Variants in BSN observed in about 807,000 individuals in gnomAD.
BSN encodes the protein bassoon presynaptic cytomatrix protein, also known as protein bassoon.
Under a neutral mutation model 264.8 loss-of-function variants are expected in BSN, and 57 were observed. The ratio of observed to expected loss-of-function variants is 0.22; its 90% CI spans 0.17 to 0.27. The LOEUF (loss-of-function observed/expected upper bound fraction) is 0.27, where lower values mean the gene tolerates loss of function less well. Ranked by LOEUF, BSN falls within the 10% of genes least tolerant of loss-of-function variation. BSN has a pLI of 1.00. For missense variants in BSN, 4,615 were observed against 5,232.5 expected (o/e 0.88, Z 3.64); for synonymous variants, 2,059 against 2,137.3 (o/e 0.96, Z 1.01).
chr3:49,642,709 A>T lies in BSN; in HGVS notation c.1075A>T (p.Thr359Ser). ...KLFGLGASLL[T>S]QASTLMSVQP... The stretch of plus-strand genomic sequence containing the variant: ...CTTCGGCCTTGGCGCGTCACTGCTA[A>T]CCCAGGCGAGCACCCTCATGTCTGT... Residue 359 changes from threonine (T) to serine (S), a missense_variant, in exon 3 of 12, where the codon ACC becomes TCC. Physicochemically the swap from Thr to Ser is moderately conservative, Grantham distance 58 (BLOSUM62 1). Transcript: ENST00000296452. This position sits in a 1 kb window ranked among gnomAD's most constrained non-coding sequence, Gnocchi z 7.0. The T allele has an allele frequency of 6.2e-7, 1 of 1,613,400 alleles. No homozygotes were observed. Among genetic ancestry groups the T allele is most frequent in the Non-Finnish European group, 8.5e-7 (1 of 1,179,916 alleles).
chr3:49,616,973 C>T (rs1271701946), intron 1 of BSN, among the ~76,000 whole-genome samples: 3 of 152,192 alleles, frequency 2.0e-5, no homozygotes, highest in African/African-American at 7.2e-5. Flanking sequence ...CAGCAGCCCT[C>T]CTGTGGCCAG....
At position 49,652,856 on chromosome 3, in the gene BSN, C is replaced by G; in HGVS notation, c.3300C>G (p.Ile1100Met). Reference sequence around the variant, plus strand: ...CACCACCCAGTAACTTGTCACCCATCGAGGATGCCTCCCCGACGGAGGAGC... The same window carrying G: ...CACCACCCAGTAACTTGTCACCCATGGAGGATGCCTCCCCGACGGAGGAGC... ...SKTPPSNLSPIEDASPTEELR... is the reference protein window; with the variant it reads ...SKTPPSNLSPMEDASPTEELR... Residue 1100 changes from isoleucine (I) to methionine (M), a missense_variant, in exon 5 of 12, where the codon ATC becomes ATG. Ile to Met is a conservative substitution (Grantham distance 10). This residue lies in a region of BSN where 3,415 missense variants were observed against 3,866.4 expected (regional missense o/e 0.88). Transcript: ENST00000296452. The G allele has an allele frequency of 6.2e-7, 1 of 1,604,878 alleles. No homozygotes were observed. Among genetic ancestry groups the G allele is most frequent in the Non-Finnish European group, 8.5e-7 (1 of 1,174,612 alleles).
intron 1 of BSN, among the ~76,000 whole-genome samples, chr3:49,560,244 G>A (rs1484298243): frequency 6.6e-6 from 1 of 152,120 alleles, no homozygotes; most frequent in Admixed American, 6.5e-5. Flanking sequence ...GGGTGTGGAA[G>A]GCCAGACCTA....
In BSN at chr3:49,656,054, G is replaced by T; in HGVS notation, c.6498G>T (p.Gln2166His). ...ACCCAAGTCCTGGGAACTTGGCCCA[G>T]TATGGGCCTGCAGCAGGCCAAGGAA... is the stretch of plus-strand genomic sequence containing the variant. ...EGHPSPGNLA[Q>H]YGPAAGQGTA... Residue 2166 changes from glutamine (Q) to histidine (H), a missense_variant, in exon 5 of 12, where the codon CAG becomes CAT. Gln to His is a conservative substitution (Grantham distance 24). This residue lies in a region of BSN where 3,415 missense variants were observed against 3,866.4 expected (regional missense o/e 0.88). Coordinates refer to ENST00000296452, the MANE Select transcript of BSN (RefSeq NM_003458.4). The T allele has an allele frequency of 2.5e-6, 4 of 1,607,222 alleles. No homozygotes were observed. The highest frequency in any genetic ancestry group is 3.4e-6 in the Non-Finnish European group (4 of 1,177,014).
In BSN at chr3:49,651,450, C is replaced by A. The variant is rs2108080334; in HGVS notation, c.1987-93C>A. On this transcript the variant is annotated intron_variant, in intron 4 of 11. Transcript: ENST00000296452. This position sits in a 1 kb window ranked among gnomAD's most constrained non-coding sequence, Gnocchi z 5.4. ...TAAACCCTTGGGAAATGGACAGACTCTTCCCCAGGGTCCTGGGATTGACAG... is the reference window on the plus strand; with the variant it reads ...TAAACCCTTGGGAAATGGACAGACTATTCCCCAGGGTCCTGGGATTGACAG... 1 of 1,373,064 alleles carries A rather than the reference C, an allele frequency of 7.3e-7. No individual in the cohort carries two copies. Among genetic ancestry groups the A allele is most frequent in the Non-Finnish European group, 9.9e-7 (1 of 1,010,348 alleles). The allele number at this position is 1,373,064 out of a possible 1,614,324, so 85.1% of individuals were successfully genotyped here. A position where few individuals can be genotyped will look rare whatever the true frequency, so the allele number is the denominator to read the frequency against.
chr3:49,598,783 C>A (rs1214951068), intron 1 of BSN, among the ~76,000 whole-genome samples: 1 of 152,060 alleles, frequency 6.6e-6, no homozygotes, highest in Non-Finnish European at 1.5e-5. Context: ...TATACTCTCA[C>A]TATTGTTATT....
At chr3:49,589,856 TGAGA>T (rs2051964719) in intron 1 of BSN, among the ~76,000 whole-genome samples, 1 of 148,724 alleles carries the variant, frequency 6.7e-6, no homozygotes. Flanking sequence ...TTTTTTTTTT[TGAGA>T]TGGAGTCTCA....
rs772428198 is a variant in BSN at position 49,663,803 on chromosome 3, C to A, written c.11525C>A (p.Thr3842Lys). Residue 3842 changes from threonine (T) to lysine (K), a missense_variant, in exon 8 of 12, where the codon ACA becomes AAA. By Grantham distance (78) the Thr-to-Lys change is moderately conservative (BLOSUM62 -1). Coordinates refer to ENST00000296452, the MANE Select transcript of BSN (RefSeq NM_003458.4). ...QPAGPPRAEQTNGSKGTAKAP... is the reference protein window; with the variant it reads ...QPAGPPRAEQKNGSKGTAKAP... Reference sequence around the variant, plus strand: ...GTGTTGCAGCCACGGGCAGAACAGACAAATGGCTCTAAAGGGACAGCCAAA... The same window carrying A: ...GTGTTGCAGCCACGGGCAGAACAGAAAAATGGCTCTAAAGGGACAGCCAAA... 1.7e-5 allele frequency: 27 copies of A among 1,614,164 alleles called. No homozygotes were observed. In the Admixed American group the frequency reaches 4.2e-4, roughly 25 times the overall value.
At chr3:49,648,127 C>T (rs113878872) in intron 3 of BSN, among the ~76,000 whole-genome samples, 65 of 152,378 alleles carry the variant, frequency 4.3e-4, no homozygotes, top group Non-Finnish European at 5.9e-4. Context: ...CTCAGGCAAG[C>T]TGGCCTCTCC....
rs1231736740 is a variant in BSN at position 49,575,656 on chromosome 3, GTGTATA to G, written c.224+20832_224+20837del. Among the ~76,000 whole-genome samples the G allele has an allele frequency of 2.0e-3, 132 of 64,592 alleles. 1 individual carries two copies. The Middle Eastern group carries it at 0.027, about 13-fold the overall frequency. The allele number at this position is 64,592 out of a possible 152,430, so 42.4% of individuals were successfully genotyped here. ...TATATGTATATATATGTGTGTGTGT[GTGTATA>G]TATATATATATATATACAAGTAAGA... On this transcript the variant is annotated intron_variant, in intron 1 of 11. Coordinates refer to ENST00000296452, the MANE Select transcript of BSN (RefSeq NM_003458.4).
In BSN at chr3:49,569,365, C is replaced by G. The variant is rs551709291; in HGVS notation, c.224+14539C>G. ...TCCAAGAGAGTGAATCAAGTGCATT[C>G]AATTAAACAAATATTTACCTTATCA... On this transcript the variant is annotated intron_variant, in intron 1 of 11. Coordinates refer to ENST00000296452, the MANE Select transcript of BSN (RefSeq NM_003458.4). 7.9e-5 allele frequency among the ~76,000 whole-genome samples: 12 copies of G among 152,198 alleles called. 1 individual carries two copies. The highest frequency in any genetic ancestry group is 6.2e-4 in the South Asian group (3 of 4,812).
intron 1 of BSN, among the ~76,000 whole-genome samples, chr3:49,563,364 C>T (rs968815918): frequency 5.9e-5 from 9 of 152,202 alleles, no homozygotes; most frequent in African/African-American, 1.7e-4. Flanking sequence ...CAGCTGTGCT[C>T]GGCTGCTTAT....
chr3:49,649,438 C>G (rs2052522627), intron 3 of BSN, among the ~76,000 whole-genome samples: 2 of 152,338 alleles, frequency 1.3e-5, no homozygotes, highest in Non-Finnish European at 2.9e-5. Flanking sequence ...GGACCCTGCT[C>G]TGGGCTCCAC....
At chr3:49,590,743 TTATA>T (rs1218298096) in intron 1 of BSN, among the ~76,000 whole-genome samples, 30 of 152,120 alleles carry the variant, frequency 2.0e-4, no homozygotes, top group Middle Eastern at 3.4e-3. Context: ...TTACACATAA[TTATA>T]TAGTTATAAT....
chr3:49,629,970 G>A (rs2052372703), intron 2 of BSN, among the ~76,000 whole-genome samples: 1 of 152,196 alleles, frequency 6.6e-6, no homozygotes, highest in South Asian at 2.1e-4. Context: ...ATGAGCCTAC[G>A]CAGTTTCCCA....
At chr3:49,574,990 A>G (rs2108010583) in intron 1 of BSN, among the ~76,000 whole-genome samples, 1 of 151,850 alleles carries the variant, frequency 6.6e-6, no homozygotes, top group East Asian at 1.9e-4. Context: ...AGTACTTTTG[A>G]GTTTTGACTA....
Position 49,654,115 on chromosome 3 carries a change from G to T in BSN, c.4559G>T (p.Ser1520Ile). 1 of 1,614,028 alleles carries T rather than the reference G, an allele frequency of 6.2e-7. No individual in the cohort carries two copies. Among genetic ancestry groups the T allele is most frequent in the Non-Finnish European group, 8.5e-7 (1 of 1,180,034 alleles). The change falls in exon 5 of 12, where the codon AGC becomes ATC. Residue 1520 changes from serine to isoleucine, a missense_variant. By Grantham distance (142) the Ser-to-Ile change is moderately radical (BLOSUM62 -2). This residue lies in a region of BSN where 3,415 missense variants were observed against 3,866.4 expected (regional missense o/e 0.88). Coordinates refer to ENST00000296452, the MANE Select transcript of BSN (RefSeq NM_003458.4). The surrounding 1 kb of genome is among the most constrained non-coding windows in gnomAD (Gnocchi z 4.1). ...SPAPASDMPR[S>I]PGAPTPSPMV... ...GCCCCTGCCTCAGACATGCCACGGA[G>T]CCCTGGTGCCCCCACTCCATCACCT... is the stretch of plus-strand genomic sequence containing the variant.
intron 1 of BSN, among the ~76,000 whole-genome samples, chr3:49,561,932 C>T (rs893365789): frequency 3.3e-5 from 5 of 152,062 alleles, no homozygotes; most frequent in East Asian, 1.9e-4. Flanking sequence ...CTCAGCCTCC[C>T]GAGTAGCTGG....
chr3:49,652,490 G>T lies in BSN; in HGVS notation c.2934G>T (p.Glu978Asp), dbSNP rs1343049299. 2 of 1,613,696 alleles carry T rather than the reference G, an allele frequency of 1.2e-6. No individual in the cohort carries two copies. The highest frequency in any genetic ancestry group is 1.3e-5 in the African/African-American group (1 of 74,930). The change falls in exon 5 of 12, where the codon GAG (glutamate) becomes GAT (aspartate). Residue 978 changes from glutamate to aspartate, a missense_variant. By Grantham distance (45) the Glu-to-Asp change is conservative. Around this residue, in one of 3 missense-constraint regions of BSN, gnomAD observed 1,197 missense variants for 1,348.0 expected, o/e 0.89. Transcript: ENST00000296452. Reference sequence around the variant, plus strand: ...CCCCTGAGGACCGCTCCCGTGGTGAGCACTCCTCTACATTGCCTGCCTCCA... The same window carrying T: ...CCCCTGAGGACCGCTCCCGTGGTGATCACTCCTCTACATTGCCTGCCTCCA... ...TGSPEDRSRG[E>D]HSSTLPASTP...
Sources: allele counts gnomAD v4.1 joint callset (sites outside exome capture counted in the v4.1 genomes callset), GRCh38; gene constraint gnomAD v4.1.1; regional missense constraint gnomAD v4.1.1; non-coding constraint Gnocchi (gnomAD v3.1); transcripts MANE v1.5; gene names NCBI Gene and HGNC (gene_info 2026-07-23, HGNC 2026-07-21).